PDE4D: variants seen among roughly 807,000 people sequenced by gnomAD.
PDE4D encodes the protein 3',5'-cyclic-AMP phosphodiesterase 4D.
PDE4D carries 24 observed loss-of-function variants against 87.4 expected under a neutral mutation model. The observed-to-expected ratio is 0.27, with a 90% CI of 0.20 to 0.39. The LOEUF (loss-of-function observed/expected upper bound fraction) is 0.39. Ranked by LOEUF, PDE4D falls within the 10% of genes least tolerant of loss-of-function variation. The pLI is 1.00. For synonymous variants in PDE4D, 384 were observed against 383.2 expected (o/e 1.00, Z -0.02); for missense variants, 714 against 1,041.0 (o/e 0.69, Z 4.32).
intron 1 of PDE4D, among the ~76,000 whole-genome samples, chr5:59,290,485 T>C (rs1356314013): frequency 6.6e-6 from 1 of 152,004 alleles, no homozygotes; most frequent in African/African-American, 2.4e-5. Flanking sequence ...AAAGAAAACA[T>C]TGAAGAAAGT....
intron 5 of PDE4D, among the ~76,000 whole-genome samples, chr5:59,162,101 C>T (rs1201072742): frequency 6.6e-6 from 1 of 152,202 alleles, no homozygotes; most frequent in Non-Finnish European, 1.5e-5. Context: ...CAGAACCTTT[C>T]ATCCAGTGAT....
intron 1 of PDE4D, among the ~76,000 whole-genome samples, chr5:59,650,611 C>A (rs1743289991): frequency 6.6e-6 from 1 of 152,106 alleles, no homozygotes; most frequent in Non-Finnish European, 1.5e-5. Context: ...AGTGACACTT[C>A]CAAGTCTTAT....
At chr5:59,572,919 G>C (rs965288527) in intron 1 of PDE4D, among the ~76,000 whole-genome samples, 6 of 152,244 alleles carry the variant, frequency 3.9e-5, no homozygotes, top group African/African-American at 1.4e-4. Context: ...ACTAAGTTGA[G>C]CAGATACCAT....
intron 1 of PDE4D, among the ~76,000 whole-genome samples, chr5:60,206,216 C>T (rs1388164807): frequency 6.6e-6 from 1 of 152,178 alleles, no homozygotes; most frequent in Admixed American, 6.5e-5. Context: ...GCTTTTGCCA[C>T]CTTTAATCTG....
chr5:59,020,211 A>G (rs1754849779), intron 6 of PDE4D, among the ~76,000 whole-genome samples: 1 of 152,188 alleles, frequency 6.6e-6, no homozygotes, highest in Admixed American at 6.5e-5. Flanking sequence ...GTGGTGACTC[A>G]CACCTGTAAT....
In PDE4D at chr5:60,033,282, A is replaced by G. The variant is rs147235291; in HGVS notation, c.43-44565T>C. ...TGAGAACCAGAACACAAAAATCCCC[A>G]GTAATTCATCTCCAGTGTCTGATAA... On this transcript the variant is annotated intron_variant, in intron 2 of 16. Transcript: ENST00000502484. 2.8e-4 allele frequency among the ~76,000 whole-genome samples: 42 copies of G among 152,306 alleles called. No homozygotes were observed. The East Asian group carries it at 7.3e-3, about 27-fold the overall frequency.
intron 1 of PDE4D, among the ~76,000 whole-genome samples, chr5:59,353,470 G>A (rs771967726): frequency 4.6e-5 from 7 of 151,658 alleles, no homozygotes; most frequent in East Asian, 1.9e-4. Flanking sequence ...TGGGAGGGGC[G>A]TTGCTCTAAA....
rs1561295532 is a variant in PDE4D at position 60,474,104 on chromosome 5, C to CTATA, written c.-90+13837_-90+13838insTATA. Among the ~76,000 whole-genome samples, 15 of 21,200 alleles carry CTATA rather than the reference C, an allele frequency of 7.1e-4. 1 individual carries two copies. The highest frequency in any genetic ancestry group is 1.4e-3 in the Non-Finnish European group (11 of 7,636). 13.9% of individuals were successfully genotyped at this position (21,200 alleles called of 152,430 possible). A position where few individuals can be genotyped will look rare whatever the true frequency, so the allele number is the denominator to read the frequency against. ...TTACTGTCTCAGTCCCTTTGAGCTG[C>CTATA]CATATATATATATATATATATATAT... On this transcript the variant is annotated intron_variant, in intron 1 of 16. Transcript: ENST00000502484.
rs149861961 is a variant in PDE4D, at chr5:59,430,432, C to T, written c.456-214464G>A. ...TGGCAAACTCATTATATCCAAAAGGCAAGAAGTAAAAGCAAATCTGAGTAG... is the reference window on the plus strand; with the variant it reads ...TGGCAAACTCATTATATCCAAAAGGTAAGAAGTAAAAGCAAATCTGAGTAG... On this transcript the variant is annotated intron_variant, in intron 1 of 14. Transcript: ENST00000340635. 21 of 1,231,000 alleles carry T rather than the reference C, an allele frequency of 1.7e-5. No individual in the cohort carries two copies. The African/African-American group carries it at 2.8e-4, about 16-fold the overall frequency. The allele number at this position is 1,231,000 out of a possible 1,614,324, so 76.3% of individuals were successfully genotyped here.
intron 1 of PDE4D, among the ~76,000 whole-genome samples, chr5:59,656,072 T>C (rs779512347): frequency 6.6e-6 from 1 of 152,108 alleles, no homozygotes; most frequent in Non-Finnish European, 1.5e-5. Flanking sequence ...AGCAAGTGCA[T>C]ACACCACACA....
intron 5 of PDE4D, among the ~76,000 whole-genome samples, chr5:59,105,692 G>A (rs533020028): frequency 7.9e-5 from 12 of 152,322 alleles, no homozygotes; most frequent in African/African-American, 2.9e-4. Flanking sequence ...CCAGCTTTGT[G>A]CTTCTTAAGC....
intron 1 of PDE4D, among the ~76,000 whole-genome samples, chr5:59,534,797 C>A (rs1208367733): frequency 2.6e-5 from 4 of 152,126 alleles, no homozygotes; most frequent in Non-Finnish European, 5.9e-5. Context: ...TAAACTGAAT[C>A]TTACAGAGCC....
intron 1 of PDE4D, chr5:59,276,195 A>C (rs886331048): frequency 1.1e-6 from 1 of 941,890 alleles, no homozygotes; most frequent in Non-Finnish European, 1.3e-6. Flanking sequence ...CTTACAAAGC[A>C]AAGGGGCGGA....
intron 1 of PDE4D, among the ~76,000 whole-genome samples, chr5:60,474,105 C>CATATATATATATATATATAT (rs1158022321): frequency 3.2e-5 from 1 of 31,000 alleles, no homozygotes; most frequent in African/African-American, 7.8e-5. Flanking sequence ...TTTGAGCTGC[C>CATATATATATATATATATAT]ATATATATAT....
intron 1 of PDE4D, among the ~76,000 whole-genome samples, chr5:59,567,020 C>T (rs1821053024): frequency 6.6e-6 from 1 of 152,110 alleles, no homozygotes; most frequent in South Asian, 2.1e-4. Flanking sequence ...TTTTACATTA[C>T]ATGTTTTCTA....
chr5:60,391,659 T>C (rs1229057784), intron 1 of PDE4D, among the ~76,000 whole-genome samples: 1 of 152,158 alleles, frequency 6.6e-6, no homozygotes, highest in African/African-American at 2.4e-5. Context: ...AAATATTGAA[T>C]TGGGCCCACC....
intron 1 of PDE4D, among the ~76,000 whole-genome samples, chr5:59,888,290 C>T (rs764984896): frequency 1.3e-5 from 2 of 152,246 alleles, no homozygotes; most frequent in Non-Finnish European, 2.9e-5. Flanking sequence ...CTCTGCCCAC[C>T]ACCTCCCATT....
At chr5:59,222,197 A>G (rs1310815571) in intron 1 of PDE4D, among the ~76,000 whole-genome samples, 1 of 152,140 alleles carries the variant, frequency 6.6e-6, no homozygotes, top group Non-Finnish European at 1.5e-5. Flanking sequence ...TACAGTTCCA[A>G]TCTACCTTTC....
intron 1 of PDE4D, among the ~76,000 whole-genome samples, chr5:59,331,447 T>A (rs538178200): frequency 3.3e-5 from 5 of 152,280 alleles, no homozygotes; most frequent in African/African-American, 1.2e-4. Flanking sequence ...GATTCGGGTC[T>A]ACCCTAATGA....
Sources: allele counts gnomAD v4.1 joint callset (sites outside exome capture counted in the v4.1 genomes callset), GRCh38; gene constraint gnomAD v4.1.1; transcripts MANE v1.5; gene names NCBI Gene and HGNC (gene_info 2026-07-23, HGNC 2026-07-21).